The following KLHL2 variants were observed in gnomAD, a reference collection of about 807,000 sequenced individuals.
KLHL2 encodes kelch like family member 2.
In KLHL2, 15 loss-of-function variants were observed where a neutral mutation model predicts 75.8. The ratio of observed to expected loss-of-function variants is 0.20; its 90% CI spans 0.13 to 0.30. KLHL2 has a LOEUF of 0.30. Ranked by LOEUF, KLHL2 falls within the 10% of genes least tolerant of loss-of-function variation. KLHL2 has a pLI of 1.00. For missense variants in KLHL2, 381 were observed against 741.0 expected, an observed-to-expected ratio of 0.51 and a Z score of 5.64; for synonymous variants, 214 against 251.9, an observed-to-expected ratio of 0.85 and a Z score of 1.42.
intron 5 of KLHL2, among the ~76,000 whole-genome samples, chr4:165,267,754 G>T (rs1053373866): frequency 1.3e-5 from 2 of 152,162 alleles, no homozygotes; most frequent in Non-Finnish European, 2.9e-5. Context: ...GTTCATCAGG[G>T]ATATTGGCCT....
intron 5 of KLHL2, among the ~76,000 whole-genome samples, chr4:165,291,031 C>T (rs1487853330): frequency 6.6e-6 from 1 of 152,150 alleles, no homozygotes; most frequent in Admixed American, 6.5e-5. Flanking sequence ...CTGATAGATA[C>T]GTAAATGGTA....
At chr4:165,273,417 A>G (rs1742841056) in intron 5 of KLHL2, among the ~76,000 whole-genome samples, 1 of 152,218 alleles carries the variant, frequency 6.6e-6, no homozygotes, top group Non-Finnish European at 1.5e-5. Context: ...TTCCAAAATA[A>G]TCCAGAATAA....
intron 5 of KLHL2, among the ~76,000 whole-genome samples, chr4:165,287,999 G>C (rs1025741685): frequency 6.6e-6 from 1 of 152,034 alleles, no homozygotes; most frequent in Non-Finnish European, 1.5e-5. Context: ...TTGATGCACT[G>C]AACTTTTAAC....
At chr4:165,249,879 C>T (rs1189869252) in intron 4 of KLHL2, among the ~76,000 whole-genome samples, 2 of 152,220 alleles carry the variant, frequency 1.3e-5, no homozygotes, top group South Asian at 2.1e-4. Context: ...AATCCCAGCA[C>T]TTTGGGAGGC....
chr4:165,233,528 G>C (rs376121189), intron 3 of KLHL2, among the ~76,000 whole-genome samples: 21 of 152,244 alleles, frequency 1.4e-4, no homozygotes, highest in Middle Eastern at 3.4e-3. Flanking sequence ...GGAAAAGACA[G>C]ATTATTGTTT....
intron 5 of KLHL2, chr4:165,279,663 C>T (rs778447801): frequency 6.2e-6 from 10 of 1,608,208 alleles, no homozygotes; most frequent in South Asian, 3.3e-5. Context: ...GCTTCAGGTC[C>T]GCCCGCGTTT....
chr4:165,304,470 A>T (rs1007190313), intron 8 of KLHL2, among the ~76,000 whole-genome samples: 14 of 152,120 alleles, frequency 9.2e-5, no homozygotes, highest in South Asian at 2.1e-4. Flanking sequence ...TCTTTCTAAC[A>T]TCTATTTTTC....
intron 7 of KLHL2, among the ~76,000 whole-genome samples, chr4:165,298,950 C>T (rs1053186527): frequency 7.2e-6 from 1 of 139,784 alleles, no homozygotes; most frequent in Non-Finnish European, 1.6e-5. Context: ...CCCCCCCTCC[C>T]CCCCCAGAAA....
chr4:165,225,305 A>G (rs1270649227), intron 2 of KLHL2, among the ~76,000 whole-genome samples: 1 of 152,116 alleles, frequency 6.6e-6, no homozygotes, highest in East Asian at 1.9e-4. Context: ...TCTTAAAGTC[A>G]TGGGTTCATT....
At chr4:165,274,757 TA>T (rs1427214126) in intron 5 of KLHL2, among the ~76,000 whole-genome samples, 1 of 152,234 alleles carries the variant, frequency 6.6e-6, no homozygotes, top group Non-Finnish European at 1.5e-5. Flanking sequence ...TGTACAGGTA[TA>T]ATGAAAAAAT....
intron 1 of KLHL2, chr4:165,210,301 A>C (rs1221405198): frequency 6.0e-6 from 6 of 1,000,532 alleles, no homozygotes; most frequent in Non-Finnish European, 9.2e-6. Context: ...CATTGTTCTC[A>C]GATCCCACCT....
chr4:165,305,476 G>A, intron 8 of KLHL2, 132 bp from the exon 9 acceptor site: 1 of 699,152 alleles, frequency 1.4e-6, no homozygotes. Context: ...TAGGTGGTTA[G>A]ATGTTTGTAT....
chr4:165,257,399 A>G (rs1741262831), intron 4 of KLHL2, among the ~76,000 whole-genome samples: 1 of 152,236 alleles, frequency 6.6e-6, no homozygotes, highest in Non-Finnish European at 1.5e-5. Flanking sequence ...CCACTAGTCA[A>G]GGGTGGTCCC....
chr4:165,268,736 T>C (rs1434708668), intron 5 of KLHL2, among the ~76,000 whole-genome samples: 1 of 152,256 alleles, frequency 6.6e-6, no homozygotes, highest in Non-Finnish European at 1.5e-5. Flanking sequence ...CTTCCAATTA[T>C]GTGGTCAATT....
intron 5 of KLHL2, among the ~76,000 whole-genome samples, chr4:165,291,783 G>A (rs1744529328): frequency 6.6e-6 from 1 of 151,884 alleles, no homozygotes; most frequent in Non-Finnish European, 1.5e-5. Context: ...ATAAAATGGG[G>A]TAGTATTTGC....
chr4:165,249,984 C>T lies in KLHL2; in HGVS notation c.381+11085C>T, dbSNP rs540740513. Among the ~76,000 whole-genome samples, 11 of 152,076 alleles carry T rather than the reference C, an allele frequency of 7.2e-5. No individual in the cohort carries two copies. In the South Asian group the frequency reaches 8.3e-4, roughly 12 times the overall value. On this transcript the variant is annotated intron_variant, in intron 4 of 14. Coordinates refer to ENST00000226725, the MANE Select transcript of KLHL2 (RefSeq NM_007246.4). ...CTAAAAATACAAAAAATTAGCTGGG[C>T]GTGGTGGCGGGCGCCTGTGGTCCCA...
At chr4:165,279,191 A>G (rs778916605) in intron 5 of KLHL2, 1 of 1,570,860 alleles carries the variant, frequency 6.4e-7, no homozygotes, top group Non-Finnish European at 8.8e-7. Flanking sequence ...GCGAAGTTTC[A>G]CTGCACTGAA....
At chr4:165,239,264 CTTTT>C (rs60521648) in intron 4 of KLHL2, among the ~76,000 whole-genome samples, 3 of 134,824 alleles carry the variant, frequency 2.2e-5, no homozygotes, top group Non-Finnish European at 3.2e-5. Context: ...TTATTTCTGT[CTTTT>C]TTTTTTTTTT....
chr4:165,261,150 CTAT>C (rs151137400), intron 4 of KLHL2, among the ~76,000 whole-genome samples: 1,810 of 152,276 alleles, frequency 0.012, 29 homozygotes, highest in African/African-American at 0.039. Context: ...AATGGCTGTA[CTAT>C]TAAGCATCTT....
Sources: allele counts gnomAD v4.1 joint callset (sites outside exome capture counted in the v4.1 genomes callset), GRCh38; gene constraint gnomAD v4.1.1; transcripts MANE v1.5; gene names NCBI Gene and HGNC (gene_info 2026-07-23, HGNC 2026-07-21).